EDN1: variants seen among roughly 807,000 people sequenced by gnomAD.
The protein encoded by EDN1 is endothelin-1.
EDN1 carries 11 observed loss-of-function variants against 21.7 expected under a neutral mutation model. That is an observed-to-expected ratio of 0.51 (90% CI 0.32 to 0.84). The LOEUF (loss-of-function observed/expected upper bound fraction) is 0.84. Among genes scored for constraint, EDN1 ranks in the 40% least tolerant of loss-of-function variants. The pLI is 0.03. For missense variants in EDN1, 244 were observed against 262.3 expected (o/e 0.93, Z 0.48); for synonymous variants, 85 against 90.6 (o/e 0.94, Z 0.35).
chr6:12,289,056 C>T (rs990265613), upstream of EDN1, among the ~76,000 whole-genome samples: 1 of 152,152 alleles, frequency 6.6e-6, no homozygotes, highest in Admixed American at 6.5e-5. Context: ...GCGGAAAAAG[C>T]CAATGTGTTC....
At chr6:12,269,122 T>C in the EDN1 span, among the ~76,000 whole-genome samples, 895 of 152,194 alleles carry the variant, frequency 5.9e-3, 11 homozygotes, top group Middle Eastern at 0.02. Context: ...TTTCTTTCTT[T>C]TTTAGGGAGT....
intron 1 of EDN1, among the ~76,000 whole-genome samples, chr6:12,291,053 A>T (rs1762667974): frequency 6.6e-6 from 1 of 152,244 alleles, no homozygotes. Context: ...TACACAGGCC[A>T]TATAGGAACT....
chr6:12,292,603 G>T, intron 2 of EDN1, 94 bp downstream of exon 2: 2 of 1,437,154 alleles, frequency 1.4e-6, no homozygotes, highest in Admixed American at 1.7e-5. Flanking sequence ...GGACTCTGAA[G>T]GTAGTCCTTC....
chr6:12,290,153 C>T (rs545292780), upstream of EDN1, among the ~76,000 whole-genome samples: 5 of 152,120 alleles, frequency 3.3e-5, no homozygotes, highest in Non-Finnish European at 7.4e-5. Flanking sequence ...TTTTTCTTAG[C>T]CCTGCCCCCG....
chr6:12,235,837 A>T, the EDN1 span, among the ~76,000 whole-genome samples: 5 of 152,368 alleles, frequency 3.3e-5, no homozygotes, highest in East Asian at 9.6e-4. Context: ...AAATTTAAAT[A>T]GCCACAAGTG....
chr6:12,231,951 AC>A, the EDN1 span, among the ~76,000 whole-genome samples: 245 of 151,800 alleles, frequency 1.6e-3, no homozygotes, highest in Admixed American at 2.8e-3. Flanking sequence ...AAACCAAAAA[AC>A]AATAGACTTA....
rs1158631885 is a variant in EDN1, at chr6:12,295,962, G to A, written c.534G>A (p.Arg178=). Residue 178 remains arginine, a splice_region_variant and synonymous_variant, in exon 5 of 5, where the codon AGG becomes AGA. Coordinates refer to ENST00000379375, the MANE Select transcript of EDN1 (RefSeq NM_001955.5). The stretch of plus-strand genomic sequence containing the variant: ...GTTTTCTCTTATCTTGCTTTATTAG[G>A]TCGGAGACCATGAGAAACAGCGTCA... ...RSSEEHLRQT[R]SETMRNSVKS... is the part of the protein sequence containing the mutation. The A allele has an allele frequency of 1.2e-6, 2 of 1,613,700 alleles. No homozygotes were observed. Among genetic ancestry groups the A allele is most frequent in the East Asian group, 4.5e-5 (2 of 44,858 alleles).
the EDN1 span, among the ~76,000 whole-genome samples, chr6:12,230,949 C>G: frequency 6.6e-6 from 1 of 152,102 alleles, no homozygotes; most frequent in Non-Finnish European, 1.5e-5. Context: ...GGCACAGAAC[C>G]AAAACAGTAG....
chr6:12,273,954 G>C, the EDN1 span, among the ~76,000 whole-genome samples: 1 of 152,114 alleles, frequency 6.6e-6, no homozygotes, highest in Non-Finnish European at 1.5e-5. Flanking sequence ...GGGCCTGGGG[G>C]TGCTAAATAG....
At chr6:12,254,490 A>G in the EDN1 span, among the ~76,000 whole-genome samples, 1 of 152,186 alleles carries the variant, frequency 6.6e-6, no homozygotes, top group Non-Finnish European at 1.5e-5. Flanking sequence ...TCTGGAGTCC[A>G]CACCAGATTG....
At chr6:12,272,452 C>CTTTTTTTTT in the EDN1 span, among the ~76,000 whole-genome samples, 28 of 106,818 alleles carry the variant, frequency 2.6e-4, no homozygotes, top group African/African-American at 1.0e-3. Context: ...GAGTCATACT[C>CTTTTTTTTT]TTTTTTTTTT....
At chr6:12,250,469 G>A in the EDN1 span, among the ~76,000 whole-genome samples, 1 of 151,994 alleles carries the variant, frequency 6.6e-6, no homozygotes, top group East Asian at 1.9e-4. Flanking sequence ...AAAATTTCTT[G>A]TCTTCTTATC....
At chr6:12,293,446 C>T (rs1762737091) in intron 2 of EDN1, among the ~76,000 whole-genome samples, 1 of 152,190 alleles carries the variant, frequency 6.6e-6, no homozygotes, top group African/African-American at 2.4e-5. Context: ...TCCTCCTCCC[C>T]CAACCACTGG....
the EDN1 span, among the ~76,000 whole-genome samples, chr6:12,241,503 G>A: frequency 6.6e-6 from 1 of 151,684 alleles, no homozygotes; most frequent in Non-Finnish European, 1.5e-5. Context: ...GGCTCAAGGA[G>A]AGGAAAAGAG....
At chr6:12,242,155 C>T in the EDN1 span, among the ~76,000 whole-genome samples, 8 of 152,166 alleles carry the variant, frequency 5.3e-5, no homozygotes, top group East Asian at 1.9e-4. Flanking sequence ...CCTTGACCAT[C>T]GATACCAAAG....
chr6:12,296,383 C>A lies in EDN1; in HGVS notation c.*316C>A, dbSNP rs1762826721. 3.0e-6 allele frequency: 1 copy of A among 329,782 alleles called. No homozygotes were observed. Among genetic ancestry groups the A allele is most frequent in the Non-Finnish European group, 5.9e-6 (1 of 168,402 alleles). The allele number at this position is 329,782 out of a possible 1,614,324, so 20.4% of individuals were successfully genotyped here. ...CGGAGAGAGAGAGAGGAAGGAGATTCCACACAGGGGTGGAGTTTCTGACGA... is the reference window on the plus strand; with the variant it reads ...CGGAGAGAGAGAGAGGAAGGAGATTACACACAGGGGTGGAGTTTCTGACGA... On this transcript the variant is annotated 3_prime_UTR_variant, in exon 5 of 5. Coordinates refer to ENST00000379375, the MANE Select transcript of EDN1 (RefSeq NM_001955.5).
chr6:12,247,750 G>A, the EDN1 span, among the ~76,000 whole-genome samples: 8 of 151,800 alleles, frequency 5.3e-5, 1 homozygote, highest in South Asian at 6.3e-4. Flanking sequence ...TGTTGGCCAC[G>A]CTGGTCTCAA....
the EDN1 span, among the ~76,000 whole-genome samples, chr6:12,258,994 G>T: frequency 6.6e-6 from 1 of 152,066 alleles, no homozygotes; most frequent in African/African-American, 2.4e-5. Flanking sequence ...CATTTATAAT[G>T]ATCACTATAA....
At chr6:12,266,716 A>G in the EDN1 span, among the ~76,000 whole-genome samples, 1 of 152,182 alleles carries the variant, frequency 6.6e-6, no homozygotes, top group Non-Finnish European at 1.5e-5. Context: ...CTAGGCCAGC[A>G]AAGAGATGTG....
Sources: allele counts gnomAD v4.1 joint callset (sites outside exome capture counted in the v4.1 genomes callset), GRCh38; gene constraint gnomAD v4.1.1; transcripts MANE v1.5; gene names NCBI Gene and HGNC (gene_info 2026-07-23, HGNC 2026-07-21).